ZMAT4: variants seen among roughly 807,000 people sequenced by gnomAD.
ZMAT4 encodes the protein zinc finger matrin-type protein 4.
A neutral mutation model predicts 28.7 loss-of-function variants in ZMAT4; 17 were observed. That is an observed-to-expected ratio of 0.59 (90% CI 0.41 to 0.89). ZMAT4 has a LOEUF of 0.89. Ranked by LOEUF, ZMAT4 falls within the 40% of genes least tolerant of loss-of-function variation. The pLI is 0.00. For synonymous variants in ZMAT4, 117 were observed against 109.2 expected, an observed-to-expected ratio of 1.07 and a Z score of -0.44; for missense variants, 240 against 283.8, an observed-to-expected ratio of 0.85 and a Z score of 1.11.
intron 2 of ZMAT4, among the ~76,000 whole-genome samples, chr8:40,796,311 T>C (rs1340676987): frequency 6.6e-6 from 1 of 152,194 alleles, no homozygotes; most frequent in East Asian, 1.9e-4. Context: ...TCGCCTGCCA[T>C]GCCACATTTT....
At chr8:40,735,923 T>C (rs945173423) in intron 3 of ZMAT4, among the ~76,000 whole-genome samples, 4 of 152,054 alleles carry the variant, frequency 2.6e-5, no homozygotes, top group African/African-American at 9.7e-5. Context: ...ACACAGTAAA[T>C]TGGTAGCTGA....
At chr8:40,893,418 G>C (rs1818761886) in intron 1 of ZMAT4, among the ~76,000 whole-genome samples, 1 of 152,188 alleles carries the variant, frequency 6.6e-6, no homozygotes, top group Non-Finnish European at 1.5e-5. Context: ...AGTCAGAAAA[G>C]GCACATAAGC....
At chr8:40,896,458 C>T (rs1818882634) in intron 1 of ZMAT4, among the ~76,000 whole-genome samples, 1 of 152,164 alleles carries the variant, frequency 6.6e-6, no homozygotes, top group South Asian at 2.1e-4. Flanking sequence ...AGGTAGGCAG[C>T]GCAACTGGTG....
intron 2 of ZMAT4, among the ~76,000 whole-genome samples, chr8:40,812,002 G>A (rs184583533): frequency 3.9e-5 from 6 of 152,126 alleles, no homozygotes; most frequent in Non-Finnish European, 5.9e-5. Context: ...GTGGTGGTGC[G>A]CACCTGTAAT....
intron 6 of ZMAT4, among the ~76,000 whole-genome samples, chr8:40,554,186 C>A (rs751519681): frequency 1.3e-5 from 2 of 152,080 alleles, no homozygotes; most frequent in Non-Finnish European, 2.9e-5. Flanking sequence ...TTGGGGGTCA[C>A]TTAAAGTTTT....
At chr8:40,555,643 A>G (rs1280181342) in intron 6 of ZMAT4, among the ~76,000 whole-genome samples, 1 of 152,218 alleles carries the variant, frequency 6.6e-6, no homozygotes, top group East Asian at 1.9e-4. Flanking sequence ...GCAACACATA[A>G]CTACAATGTC....
chr8:40,699,098 C>T (rs960231691), intron 3 of ZMAT4, among the ~76,000 whole-genome samples: 1 of 152,090 alleles, frequency 6.6e-6, no homozygotes, highest in African/African-American at 2.4e-5. Context: ...GGTTGGCTTC[C>T]TGGCTCCCCT....
intron 5 of ZMAT4, among the ~76,000 whole-genome samples, chr8:40,581,944 C>T (rs1451687): frequency 0.52 from 78,457 of 152,008 alleles, 20,871 homozygotes; most frequent in Middle Eastern, 0.58. Context: ...TGATCTAGAG[C>T]CAATTTATGT....
intron 2 of ZMAT4, among the ~76,000 whole-genome samples, chr8:40,823,680 C>CACATAT (rs1815913502): frequency 6.6e-6 from 1 of 151,832 alleles, no homozygotes; most frequent in African/African-American, 2.4e-5. Context: ...CATATATATA[C>CACATAT]ACATATACAT....
chr8:40,863,086 G>A (rs1297546591), intron 1 of ZMAT4, among the ~76,000 whole-genome samples: 3 of 152,188 alleles, frequency 2.0e-5, no homozygotes, highest in Admixed American at 1.3e-4. Context: ...GAGGTCATCT[G>A]AGGGTGAGGA....
intron 2 of ZMAT4, among the ~76,000 whole-genome samples, chr8:40,807,002 A>T (rs1586085798): frequency 6.6e-6 from 1 of 151,876 alleles, no homozygotes; most frequent in South Asian, 2.1e-4. Flanking sequence ...CCTAAATATA[A>T]GAACATTAAC....
Position 40,558,837 on chromosome 8 carries a change from C to T in ZMAT4, c.674+22328G>A, listed in dbSNP as rs534926604. Reference sequence around the variant, plus strand: ...GAGAGGTCAGATATGCCTCATTAGGCCCACGCCCTTTTGTGTTTTAGACAC... The same window carrying T: ...GAGAGGTCAGATATGCCTCATTAGGTCCACGCCCTTTTGTGTTTTAGACAC... On this transcript the variant is annotated intron_variant, in intron 6 of 6. Transcript: ENST00000297737. 3.3e-5 allele frequency among the ~76,000 whole-genome samples: 5 copies of T among 152,080 alleles called. No individual in the cohort carries two copies. In the South Asian group the frequency reaches 1.0e-3, roughly 32 times the overall value.
intron 3 of ZMAT4, among the ~76,000 whole-genome samples, chr8:40,723,083 G>GT (rs1811171358): frequency 6.6e-6 from 1 of 152,196 alleles, no homozygotes; most frequent in African/African-American, 2.4e-5. Flanking sequence ...GGTGTCACTT[G>GT]TTTTAAAAGT....
At chr8:40,864,935 GA>G (rs1817624274) in intron 1 of ZMAT4, among the ~76,000 whole-genome samples, 1 of 152,074 alleles carries the variant, frequency 6.6e-6, no homozygotes, top group South Asian at 2.1e-4. Flanking sequence ...AGCTTTTATT[GA>G]AATGCTTACT....
intron 2 of ZMAT4, among the ~76,000 whole-genome samples, chr8:40,822,662 T>C (rs1484669040): frequency 2.0e-5 from 3 of 152,172 alleles, no homozygotes; most frequent in Admixed American, 2.0e-4. Flanking sequence ...GAAATTGATA[T>C]AAGGTATCCT....
intron 6 of ZMAT4, among the ~76,000 whole-genome samples, chr8:40,537,470 C>A (rs1200012770): frequency 2.0e-5 from 3 of 152,168 alleles, no homozygotes; most frequent in Admixed American, 6.6e-5. Context: ...GAATTCAACT[C>A]TTCTGCTTCC....
At chr8:40,563,332 G>C (rs10093578) in intron 6 of ZMAT4, among the ~76,000 whole-genome samples, 1 of 151,978 alleles carries the variant, frequency 6.6e-6, no homozygotes, top group Non-Finnish European at 1.5e-5. Flanking sequence ...GATTATTTTC[G>C]TCTATTAATT....
At chr8:40,707,770 C>T (rs1388693926) in intron 3 of ZMAT4, among the ~76,000 whole-genome samples, 4 of 152,056 alleles carry the variant, frequency 2.6e-5, no homozygotes, top group Non-Finnish European at 5.9e-5. Flanking sequence ...TGTTTTTTCA[C>T]TTATTTAGTG....
At chr8:40,813,179 G>GT (rs1313263571) in intron 2 of ZMAT4, among the ~76,000 whole-genome samples, 1 of 151,608 alleles carries the variant, frequency 6.6e-6, no homozygotes, top group Non-Finnish European at 1.5e-5. Flanking sequence ...TAAAAATTAT[G>GT]TAAAAAAAAT....
Sources: allele counts gnomAD v4.1 joint callset (sites outside exome capture counted in the v4.1 genomes callset), GRCh38; gene constraint gnomAD v4.1.1; transcripts MANE v1.5; gene names NCBI Gene and HGNC (gene_info 2026-07-23, HGNC 2026-07-21).